RIC1: variants seen among roughly 807,000 people sequenced by gnomAD.
RIC1 encodes RIC1 partner of RAB6A GEF complex.
RIC1 carries 88 observed loss-of-function variants against 169.0 expected under a neutral mutation model. The ratio of observed to expected loss-of-function variants is 0.52; its 90% CI spans 0.44 to 0.62. The LOEUF (loss-of-function observed/expected upper bound fraction) is 0.62, where lower values mean the gene tolerates loss of function less well. Among genes scored for constraint, RIC1 ranks in the 20% least tolerant of loss-of-function variants. The probability of loss-of-function intolerance (pLI) is 0.00; values close to 1 mark genes in which losing one functional copy is unlikely to be tolerated. For missense variants in RIC1, 1,877 were observed against 1,725.5 expected (o/e 1.09, Z -1.56); for synonymous variants, 790 against 601.5 (o/e 1.31, Z -4.59).
intron 11 of RIC1, among the ~76,000 whole-genome samples, chr9:5,746,319 A>T (rs988308336): frequency 6.6e-6 from 1 of 152,010 alleles, no homozygotes; most frequent in Admixed American, 6.6e-5. Flanking sequence ...ACGGAAAGCA[A>T]TGTTTATATA....
rs1392308312 is a variant in RIC1, at chr9:5,774,535, C to T, written c.*289C>T. On this transcript the variant is annotated 3_prime_UTR_variant, in exon 26 of 26. Coordinates refer to ENST00000414202, the MANE Select transcript of RIC1 (RefSeq NM_020829.4). ...ACTCAAAGGTTGGTAGCTCTTAAAC[C>T]ACAGGAATTGTTTTGCCCCAGGTGA... 4.3e-6 allele frequency: 1 copy of T among 234,678 alleles called. No homozygotes were observed. Among genetic ancestry groups the T allele is most frequent in the Non-Finnish European group, 8.2e-6 (1 of 122,088 alleles). 14.5% of individuals were successfully genotyped at this position (234,678 alleles called of 1,614,324 possible).
At chr9:5,720,410 G>A (rs1228499074) in intron 5 of RIC1, 86 bp downstream of exon 5, 1 of 1,372,312 alleles carries the variant, frequency 7.3e-7, no homozygotes, top group East Asian at 2.3e-5. Flanking sequence ...ACACTTCTTT[G>A]GAATTACTTA....
At chr9:5,633,615 A>C (rs1177457484) in intron 1 of RIC1, among the ~76,000 whole-genome samples, 1 of 152,122 alleles carries the variant, frequency 6.6e-6, no homozygotes, top group Non-Finnish European at 1.5e-5. Flanking sequence ...TAAAAATTGT[A>C]TATATTTAAG....
At chr9:5,694,086 C>T (rs945074600) in intron 3 of RIC1, among the ~76,000 whole-genome samples, 1 of 152,170 alleles carries the variant, frequency 6.6e-6, no homozygotes, top group African/African-American at 2.4e-5. Flanking sequence ...TTCTTACCAG[C>T]TCACTGCTAA....
At chr9:5,636,721 T>G (rs1252389856) in intron 1 of RIC1, among the ~76,000 whole-genome samples, 1 of 152,220 alleles carries the variant, frequency 6.6e-6, no homozygotes, top group African/African-American at 2.4e-5. Context: ...TAAATTCATT[T>G]CTTAGTTCTA....
At chr9:5,760,708 G>T (rs1222059372) in intron 17 of RIC1, among the ~76,000 whole-genome samples, 2 of 152,098 alleles carry the variant, frequency 1.3e-5, no homozygotes, top group African/African-American at 4.8e-5. Context: ...TTACTTTCTG[G>T]ATAGATAACC....
intron 7 of RIC1, among the ~76,000 whole-genome samples, chr9:5,737,532 A>G (rs1824789820): frequency 6.6e-6 from 1 of 151,636 alleles, no homozygotes; most frequent in Admixed American, 6.6e-5. Flanking sequence ...TTTACTATTA[A>G]TACTGTATAT....
chr9:5,765,317 C>G, intron 19 of RIC1, 97 bp from the exon 20 acceptor site: 3 of 1,318,352 alleles, frequency 2.3e-6, no homozygotes, highest in Non-Finnish European at 3.2e-6. Context: ...GGTGGTGTGG[C>G]TACATTCTTT....
chr9:5,662,350 G>A (rs1467029740), intron 2 of RIC1, among the ~76,000 whole-genome samples: 1 of 152,008 alleles, frequency 6.6e-6, no homozygotes, highest in Non-Finnish European at 1.5e-5. Context: ...CTCATAGAAT[G>A]AATTAAGGAG....
intron 3 of RIC1, among the ~76,000 whole-genome samples, chr9:5,706,628 C>G (rs1201152137): frequency 2.0e-5 from 3 of 152,042 alleles, no homozygotes; most frequent in Admixed American, 1.3e-4. Context: ...AATTTCATTA[C>G]TTATTATAGG....
chr9:5,667,207 A>C (rs1313368394), intron 2 of RIC1, among the ~76,000 whole-genome samples: 2 of 152,168 alleles, frequency 1.3e-5, no homozygotes, highest in African/African-American at 4.8e-5. Context: ...TTGTAGTCCT[A>C]GCTGCTCAGG....
rs148715046 is a variant in RIC1, at chr9:5,711,073, C to A, written c.333-2823C>A. ...AGATTGAACAGGTCTACCAGGTGCT[C>A]AGTGCAATGATAAACATTCACATAC... On this transcript the variant is annotated intron_variant, in intron 3 of 25. Coordinates refer to ENST00000414202, the MANE Select transcript of RIC1 (RefSeq NM_020829.4). Among the ~76,000 whole-genome samples, 536 of 152,192 alleles carry A rather than the reference C, an allele frequency of 3.5e-3. 1 individual carries two copies. The highest frequency in any genetic ancestry group is 0.01 in the Middle Eastern group (3 of 294).
chr9:5,743,809 TTTTA>T lies in RIC1; in HGVS notation c.1095+81_1095+84del. The T allele has an allele frequency of 3.5e-6, 4 of 1,151,646 alleles. No homozygotes were observed. The Admixed American group carries it at 7.9e-5, about 23-fold the overall frequency. The allele number at this position is 1,151,646 out of a possible 1,614,324, so 71.3% of individuals were successfully genotyped here. A position where few individuals can be genotyped will look rare whatever the true frequency, so the allele number is the denominator to read the frequency against. ...ATTTTTCTTCCCTTTTTTCACTCAT[TTTTA>T]TTTATTTAATTTTTTGAGACAGGGT... On this transcript the variant is annotated intron_variant, in intron 10 of 25. Coordinates refer to ENST00000414202, the MANE Select transcript of RIC1 (RefSeq NM_020829.4).
intron 3 of RIC1, among the ~76,000 whole-genome samples, chr9:5,703,686 G>T (rs1048485828): frequency 6.6e-6 from 1 of 152,168 alleles, no homozygotes; most frequent in African/African-American, 2.4e-5. Flanking sequence ...GTTAATTCGT[G>T]TTTTAGCATG....
intron 7 of RIC1, among the ~76,000 whole-genome samples, chr9:5,736,983 CAAA>C (rs55858819): frequency 2.1e-5 from 3 of 139,706 alleles, no homozygotes; most frequent in African/African-American, 2.6e-5. Flanking sequence ...CTCCTACCAC[CAAA>C]AAAAAAAAAA....
Position 5,774,039 on chromosome 9 carries a change from A to C in RIC1, c.4065A>C (p.Pro1355=). ...AGATAACAGAAGAGCAGGTCCAGCC[A>C]GATGCCTTCCAACCAATAACTATGG... The part of the protein sequence containing the change: ...LSEITEEQVQ[P]DAFQPITMGK... Residue 1355 remains proline, a synonymous_variant, in exon 26 of 26, where the codon CCA becomes CCC. Transcript: ENST00000414202. The C allele has an allele frequency of 6.2e-7, 1 of 1,614,104 alleles. No individual in the cohort carries two copies. Among genetic ancestry groups the C allele is most frequent in the Non-Finnish European group, 8.5e-7 (1 of 1,179,970 alleles).
chr9:5,777,668 T>A (rs1182966911), downstream of RIC1, among the ~76,000 whole-genome samples: 1 of 152,186 alleles, frequency 6.6e-6, no homozygotes, highest in African/African-American at 2.4e-5. Flanking sequence ...TGAGTTAATT[T>A]TCATATATGA....
chr9:5,678,852 G>C (rs557281685), intron 2 of RIC1, among the ~76,000 whole-genome samples: 149 of 152,188 alleles, frequency 9.8e-4, no homozygotes, highest in African/African-American at 1.3e-3. Flanking sequence ...AGTTGAATTA[G>C]ATCCCATTTG....
intron 2 of RIC1, among the ~76,000 whole-genome samples, chr9:5,663,547 T>C (rs888854052): frequency 2.8e-4 from 42 of 152,222 alleles, no homozygotes; most frequent in African/African-American, 9.9e-4. Flanking sequence ...TTGGCGCTTA[T>C]TAAATTGAAC....
Sources: allele counts gnomAD v4.1 joint callset (sites outside exome capture counted in the v4.1 genomes callset), GRCh38; gene constraint gnomAD v4.1.1; transcripts MANE v1.5; gene names NCBI Gene and HGNC (gene_info 2026-07-23, HGNC 2026-07-21).